The following GPC3 variants were observed in gnomAD, a reference collection of about 807,000 sequenced individuals.
GPC3 encodes the protein glypican 3.
In GPC3, 3 loss-of-function variants were observed where a neutral mutation model predicts 34.4. The observed-to-expected ratio is 0.09, with a 90% CI of 0.04 to 0.23. GPC3 has a LOEUF of 0.23. Ranked by LOEUF, GPC3 falls within the 10% of genes least tolerant of loss-of-function variation. GPC3 has a pLI of 1.00. For synonymous variants in GPC3, 177 were observed against 174.0 expected, an observed-to-expected ratio of 1.02 and a Z score of -0.13; for missense variants, 351 against 445.6, an observed-to-expected ratio of 0.79 and a Z score of 1.91.
At chrX:133,727,394 A>T (rs1259669544) in intron 3 of GPC3, among the ~76,000 whole-genome samples, 3 of 110,542 alleles carry the variant, frequency 2.7e-5, no homozygotes, top group African/African-American at 9.9e-5. Flanking sequence ...AAAAATATAT[A>T]AAAAAATTAG....
chrX:133,744,442 C>G (rs886065553), intron 3 of GPC3, among the ~76,000 whole-genome samples: 16 of 112,573 alleles, frequency 1.4e-4, no homozygotes, highest in African/African-American at 4.8e-4. Context: ...TAGAGAAATG[C>G]AAATCAAAAC....
At chrX:133,833,174 C>T (rs990288167) in intron 2 of GPC3, among the ~76,000 whole-genome samples, 2 of 111,173 alleles carry the variant, frequency 1.8e-5, no homozygotes, top group Non-Finnish European at 1.9e-5. Context: ...GGATGTCTTA[C>T]GATCATCTCT....
chrX:133,783,575 T>C (rs746401570), intron 2 of GPC3, among the ~76,000 whole-genome samples: 2 of 112,456 alleles, frequency 1.8e-5, no homozygotes, highest in Non-Finnish European at 3.8e-5. Flanking sequence ...CCCTTTGGGC[T>C]GAGAGGTGAT....
At chrX:133,707,103 A>G (rs1356757386) in intron 3 of GPC3, among the ~76,000 whole-genome samples, 1 of 112,086 alleles carries the variant, frequency 8.9e-6, no homozygotes, top group Non-Finnish European at 1.9e-5. Context: ...TAATGCCGGG[A>G]CAGAAAATCA....
chrX:133,746,923 A>G (rs1178046327), intron 3 of GPC3, among the ~76,000 whole-genome samples: 1 of 111,903 alleles, frequency 8.9e-6, no homozygotes, highest in Non-Finnish European at 1.9e-5. Context: ...AGGTAAGGCT[A>G]ATCTTGGAAA....
At chrX:133,759,383 A>G (rs945308876) in intron 2 of GPC3, among the ~76,000 whole-genome samples, 11 of 112,041 alleles carry the variant, frequency 9.8e-5, no homozygotes, top group Admixed American at 9.5e-5. Flanking sequence ...ACAGTAATAA[A>G]GACAGCTTGG....
chrX:133,638,344 C>T (rs951800598), intron 6 of GPC3, among the ~76,000 whole-genome samples: 16 of 111,939 alleles, frequency 1.4e-4, no homozygotes, highest in Non-Finnish European at 2.3e-4. Context: ...GCCTGCCAGT[C>T]TTTTCTCCTC....
chrX:133,666,072 C>T (rs766867801), intron 5 of GPC3, among the ~76,000 whole-genome samples: 81 of 111,891 alleles, frequency 7.2e-4, no homozygotes, highest in Admixed American at 2.8e-3. Context: ...GCGATTTTGC[C>T]CCGTACTCCA....
chrX:133,640,851 T>C lies in GPC3; in HGVS notation c.1413+20879A>G, dbSNP rs747346783. 2.7e-5 allele frequency among the ~76,000 whole-genome samples: 3 copies of C among 111,516 alleles called. No individual in the cohort carries two copies. In the Admixed American group the frequency reaches 2.9e-4, roughly 11 times the overall value. ...CCTTCTCCCACCCACAGTAACTAAT[T>C]GTCCATACTGTTATTCATCCCCTTT... is the stretch of plus-strand genomic sequence containing the variant. On this transcript the variant is annotated intron_variant, in intron 6 of 7. Coordinates refer to ENST00000370818, the MANE Select transcript of GPC3 (RefSeq NM_004484.4).
intron 2 of GPC3, among the ~76,000 whole-genome samples, chrX:133,891,247 C>T (rs1048007120): frequency 3.6e-5 from 4 of 110,269 alleles, no homozygotes; most frequent in Non-Finnish European, 5.7e-5. Context: ...ATATAGAGAC[C>T]GCAAGTTGAT....
intron 2 of GPC3, among the ~76,000 whole-genome samples, chrX:133,883,204 C>A (rs1472559531): frequency 1.8e-5 from 2 of 111,479 alleles, no homozygotes; most frequent in Non-Finnish European, 3.8e-5. Context: ...TTATTCTGGG[C>A]CTTTCAATAC....
Position 133,660,621 on chromosome X carries a change from G to A in GPC3, c.1413+1109C>T, listed in dbSNP as rs745522790. On this transcript the variant is annotated intron_variant, in intron 6 of 7. Transcript: ENST00000370818. ...GACCTCTCCTGTCTTGCTGGTGGCA[G>A]TGAAAACTGATACATTCTCATTGAA... Among the ~76,000 whole-genome samples the A allele has an allele frequency of 4.5e-5, 5 of 112,303 alleles. No homozygotes were observed. In the South Asian group the frequency reaches 1.9e-3, roughly 42 times the overall value.
rs2070687503 is a variant in GPC3, at chrX:133,658,506, A to G, written c.1413+3224T>C. On this transcript the variant is annotated intron_variant, in intron 6 of 7. Coordinates refer to ENST00000370818, the MANE Select transcript of GPC3 (RefSeq NM_004484.4). ...TATCATCATCATCGACATCATCATC[A>G]TCATCATGACTTTCTTCTTTATGAC... 4.5e-5 allele frequency among the ~76,000 whole-genome samples: 5 copies of G among 111,850 alleles called. No homozygotes were observed. The Admixed American group carries it at 4.8e-4, about 11-fold the overall frequency.
At chrX:133,674,851 T>C (rs935087596) in intron 5 of GPC3, among the ~76,000 whole-genome samples, 5 of 112,164 alleles carry the variant, frequency 4.5e-5, no homozygotes, top group Admixed American at 1.9e-4. Flanking sequence ...CTCAGAACAC[T>C]GCTTTGTTTG....
chrX:133,921,223 T>C (rs997141867), intron 2 of GPC3, among the ~76,000 whole-genome samples: 1 of 111,796 alleles, frequency 8.9e-6, no homozygotes, highest in African/African-American at 3.3e-5. Flanking sequence ...CCCAGAAACT[T>C]TGGTATTGTT....
At chrX:133,635,739 T>C (rs1327211216) in intron 6 of GPC3, among the ~76,000 whole-genome samples, 1 of 109,718 alleles carries the variant, frequency 9.1e-6, no homozygotes, top group Admixed American at 9.9e-5. Flanking sequence ...TGCAGATCCC[T>C]GAACCTCACA....
At chrX:133,724,775 A>T (rs2071394775) in intron 3 of GPC3, among the ~76,000 whole-genome samples, 1 of 111,994 alleles carries the variant, frequency 8.9e-6, no homozygotes, top group Non-Finnish European at 1.9e-5. Flanking sequence ...TTTCCCTTTG[A>T]AAATAGAGGA....
chrX:133,643,991 C>A (rs946181473), intron 6 of GPC3, among the ~76,000 whole-genome samples: 6 of 109,491 alleles, frequency 5.5e-5, no homozygotes, highest in African/African-American at 2.0e-4. Context: ...CCATGCCCAG[C>A]TAATTTTTGT....
At chrX:133,694,772 C>CA (rs367670527) in intron 4 of GPC3, among the ~76,000 whole-genome samples, 216 of 99,553 alleles carry the variant, frequency 2.2e-3, no homozygotes, top group African/African-American at 6.5e-3. Flanking sequence ...AAAAAACAAA[C>CA]AAAAAAAAAA....
Sources: gnomAD v4.1 joint callset for allele counts (sites outside exome capture counted in the v4.1 genomes callset) on GRCh38, gnomAD v4.1.1 for gene constraint, MANE v1.5 for transcripts, NCBI Gene and HGNC (gene_info 2026-07-23, HGNC 2026-07-21) for gene names.